SMURF2: variants seen among roughly 807,000 people sequenced by gnomAD.
SMURF2 encodes E3 ubiquitin-protein ligase SMURF2.
SMURF2 carries 48 observed loss-of-function variants against 109.6 expected under a neutral mutation model. The observed-to-expected ratio is 0.44, with a 90% CI of 0.35 to 0.56. SMURF2 has a LOEUF of 0.56. Among genes scored for constraint, SMURF2 ranks in the 20% least tolerant of loss-of-function variants. SMURF2 has a pLI of 0.01. For synonymous variants in SMURF2, 288 were observed against 317.1 expected (o/e 0.91, Z 0.97); for missense variants, 575 against 909.0 (o/e 0.63, Z 4.72).
intron 17 of SMURF2, 40 bp from the exon 18 acceptor site, chr17:64,546,378 C>A: frequency 6.4e-7 from 1 of 1,566,492 alleles, no homozygotes; most frequent in Non-Finnish European, 8.8e-7. Flanking sequence ...ACTGCAGGTG[C>A]GTGCATTAGT....
chr17:64,653,184 A>T (rs1421480164), intron 1 of SMURF2, among the ~76,000 whole-genome samples: 2 of 152,202 alleles, frequency 1.3e-5, no homozygotes, highest in Non-Finnish European at 2.9e-5. Context: ...TCCAGAATAC[A>T]TAAAGAATTC....
At chr17:64,574,907 TCTCA>T (rs1969466987) in intron 9 of SMURF2, among the ~76,000 whole-genome samples, 1 of 152,210 alleles carries the variant, frequency 6.6e-6, no homozygotes, top group South Asian at 2.1e-4. Flanking sequence ...AGGTCAACTT[TCTCA>T]CTATTGTAAA....
intron 10 of SMURF2, among the ~76,000 whole-genome samples, chr17:64,566,312 T>A (rs1969300037): frequency 6.6e-6 from 1 of 151,940 alleles, no homozygotes; most frequent in African/African-American, 2.4e-5. Context: ...ATATAAATTA[T>A]ATACTACATT....
chr17:64,614,538 G>T (rs1285667689), intron 1 of SMURF2, among the ~76,000 whole-genome samples: 1 of 152,118 alleles, frequency 6.6e-6, no homozygotes, highest in East Asian at 1.9e-4. Flanking sequence ...TCATTCTTAA[G>T]TCTACACTCC....
rs1969531555 is a variant in SMURF2 at position 64,578,534 on chromosome 17, G to C, written c.815C>G (p.Thr272Arg). ...ATGCCATGTGCTCACACCAGTCTGT[G>C]TATGTAAGAAATACACCTGGCCTTG... ...TQQGQVYFLHTQTGVSTWHDP... is the reference protein window; with the variant it reads ...TQQGQVYFLHRQTGVSTWHDP... Residue 272 changes from threonine to arginine, a missense_variant, in exon 9 of 19, where the codon ACA becomes AGA. Around this residue, in one of 5 missense-constraint regions of SMURF2, gnomAD observed 361 missense variants for 612.1 expected, o/e 0.59. Coordinates refer to ENST00000262435, the MANE Select transcript of SMURF2 (RefSeq NM_022739.4). 6.2e-7 allele frequency: 1 copy of C among 1,613,780 alleles called. No homozygotes were observed. Among genetic ancestry groups the C allele is most frequent in the Admixed American group, 1.7e-5 (1 of 59,994 alleles).
intron 10 of SMURF2, among the ~76,000 whole-genome samples, chr17:64,566,561 G>GTTTTTTTTGTTTTTTTTTTTTT (rs1969306621): frequency 2.3e-5 from 1 of 43,784 alleles, no homozygotes; most frequent in Non-Finnish European, 4.2e-5. Context: ...AAGCTTTCTG[G>GTTTTTTTTGTTTTTTTTTTTTT]TTTTTTTTTT....
At chr17:64,655,984 A>G (rs1233733261) in intron 1 of SMURF2, among the ~76,000 whole-genome samples, 2 of 152,196 alleles carry the variant, frequency 1.3e-5, no homozygotes, top group African/African-American at 4.8e-5. Context: ...GCTATATCTG[A>G]CTCTATAACT....
At chr17:64,552,141 T>C (rs1046983597) in intron 15 of SMURF2, among the ~76,000 whole-genome samples, 7 of 152,172 alleles carry the variant, frequency 4.6e-5, no homozygotes. Flanking sequence ...GAGGGAGGCC[T>C]ACGGGAGAAG....
intron 1 of SMURF2, among the ~76,000 whole-genome samples, chr17:64,638,092 T>C (rs1478776459): frequency 7.3e-6 from 1 of 137,410 alleles, no homozygotes; most frequent in Non-Finnish European, 1.5e-5. Context: ...TGACAGAGTC[T>C]CACTCTGTTG....
chr17:64,562,246 T>C (rs1969229930), intron 11 of SMURF2, among the ~76,000 whole-genome samples: 1 of 122,878 alleles, frequency 8.1e-6, no homozygotes, highest in Non-Finnish European at 1.6e-5. Context: ...TGAGCTGAGA[T>C]TGCGTCACTG....
chr17:64,584,664 CT>C (rs1306338721), intron 6 of SMURF2, among the ~76,000 whole-genome samples: 1 of 152,072 alleles, frequency 6.6e-6, no homozygotes, highest in Non-Finnish European at 1.5e-5. Flanking sequence ...GCCAAGACTG[CT>C]ACTTTCTATC....
intron 1 of SMURF2, among the ~76,000 whole-genome samples, chr17:64,622,878 T>C (rs995841866): frequency 6.6e-6 from 1 of 152,208 alleles, no homozygotes; most frequent in Non-Finnish European, 1.5e-5. Context: ...CATAAATTGT[T>C]TGGAATTATT....
At chr17:64,641,754 AC>A (rs1555692577) in intron 1 of SMURF2, among the ~76,000 whole-genome samples, 1 of 152,096 alleles carries the variant, frequency 6.6e-6, no homozygotes, top group Non-Finnish European at 1.5e-5. Flanking sequence ...CTGAATAAAC[AC>A]ACAATAGACT....
chr17:64,589,190 C>T (rs1453764500), intron 5 of SMURF2, among the ~76,000 whole-genome samples: 20 of 152,028 alleles, frequency 1.3e-4, no homozygotes, highest in African/African-American at 4.6e-4. Context: ...AAGAGTAAAA[C>T]ATTTGTTTTC....
Position 64,555,801 on chromosome 17 carries a change from T to G in SMURF2, c.1610+19A>C. On this transcript the variant is annotated intron_variant, in intron 14 of 18. Transcript: ENST00000262435. ...AAGCTCAGAGTTTATAATGAAGAGA[T>G]AGAAGACTCAATACATACAGTATCC... is the stretch of plus-strand genomic sequence containing the variant. 6.5e-7 allele frequency: 1 copy of G among 1,527,030 alleles called. No homozygotes were observed. The highest frequency in any genetic ancestry group is 8.9e-7 in the Non-Finnish European group (1 of 1,122,738). The allele number at this position is 1,527,030 out of a possible 1,614,324, so 94.6% of individuals were successfully genotyped here.
At chr17:64,590,842 A>AC (rs1384259188) in intron 5 of SMURF2, among the ~76,000 whole-genome samples, 3 of 152,100 alleles carry the variant, frequency 2.0e-5, no homozygotes, top group African/African-American at 7.2e-5. Flanking sequence ...ATATTAGGAT[A>AC]CTTTGAAAGA....
chr17:64,548,014 T>C (rs1968983346), intron 16 of SMURF2, among the ~76,000 whole-genome samples: 1 of 152,180 alleles, frequency 6.6e-6, no homozygotes, highest in African/African-American at 2.4e-5. Context: ...ACAGTTGGGA[T>C]CTATATTTTA....
At chr17:64,640,619 G>A (rs539703361) in intron 1 of SMURF2, among the ~76,000 whole-genome samples, 10 of 151,836 alleles carry the variant, frequency 6.6e-5, no homozygotes, top group Admixed American at 2.6e-4. Context: ...GATTATAGAC[G>A]GGTTAAAGAA....
Position 64,542,357 on chromosome 17 carries a change from A to G in SMURF2, c.*3491T>C, listed in dbSNP as rs1968885666. ...GCTCGACTTCGGCATGGGCACATAC[A>G]TAGTTAATTTTTAAAAACCATTTAT... is the stretch of plus-strand genomic sequence containing the variant. On this transcript the variant is annotated 3_prime_UTR_variant, in exon 19 of 19. Coordinates refer to ENST00000262435, the MANE Select transcript of SMURF2 (RefSeq NM_022739.4). The G allele has an allele frequency of 6.6e-6, 1 of 152,226 alleles. No homozygotes were observed. Among genetic ancestry groups the G allele is most frequent in the Non-Finnish European group, 1.5e-5 (1 of 68,038 alleles). The allele number at this position is 152,226 out of a possible 1,614,324, so 9.4% of individuals were successfully genotyped here. A position where few individuals can be genotyped will look rare whatever the true frequency, so the allele number is the denominator to read the frequency against.
Sources: allele counts gnomAD v4.1 joint callset (sites outside exome capture counted in the v4.1 genomes callset), GRCh38; gene constraint gnomAD v4.1.1; regional missense constraint gnomAD v4.1.1; transcripts MANE v1.5; gene names NCBI Gene and HGNC (gene_info 2026-07-23, HGNC 2026-07-21).